The following FGF13 variants were observed in gnomAD, a reference collection of about 807,000 sequenced individuals.
FGF13 encodes fibroblast growth factor homologous factor 2.
A neutral mutation model predicts 19.5 loss-of-function variants in FGF13; 2 were observed. The ratio of observed to expected loss-of-function variants is 0.10; its 90% CI spans 0.04 to 0.32. The LOEUF (loss-of-function observed/expected upper bound fraction) is 0.32, where lower values mean the gene tolerates loss of function less well. Among genes scored for constraint, FGF13 ranks in the 10% least tolerant of loss-of-function variants. The pLI, the probability that FGF13 is intolerant of heterozygous loss-of-function variation, is 1.00. For missense variants in FGF13, 113 were observed against 192.7 expected (o/e 0.59, Z 2.45); for synonymous variants, 72 against 76.9 (o/e 0.94, Z 0.33).
rs1336620959 is a variant in FGF13 at position 138,711,181 on chromosome X, C to A, written c.-178G>T. On this transcript the variant is annotated 5_prime_UTR_variant, in exon 1 of 5. Coordinates refer to ENST00000315930, the MANE Select transcript of FGF13 (RefSeq NM_004114.5). ...CAGCCAAGGAGGGGGCTCAGCATGC[C>A]GTCCGAGCTCCTCCGGCGGCGGTCC... 1 of 1,060,892 alleles carries A rather than the reference C, an allele frequency of 9.4e-7. No homozygotes were observed. The highest frequency in any genetic ancestry group is 1.2e-6 in the Non-Finnish European group (1 of 827,720). 87.4% of individuals were successfully genotyped at this position (1,060,892 alleles called of 1,213,427 possible). A position where few individuals can be genotyped will look rare whatever the true frequency, so the allele number is the denominator to read the frequency against.
At position 138,981,318 on chromosome X, in the gene FGF13, T is replaced by TACACACACACACAC. The variant is rs57954256; in HGVS notation, c.-112-116682_-112-116669dup. Among the ~76,000 whole-genome samples, 95 of 97,008 alleles carry TACACACACACACAC rather than the reference T, an allele frequency of 9.8e-4. 1 individual carries two copies. The highest frequency in any genetic ancestry group is 3.4e-3 in the African/African-American group (89 of 25,840). 84.2% of individuals were successfully genotyped at this position (97,008 alleles called of 115,157 possible). ...CACAGCTGGAACAAAATTGTGTGCT[T>TACACACACACACAC]ACACACACACACACACACACACACA... On this transcript the variant is annotated intron_variant, in intron 1 of 2. Transcript: ENST00000421460.
chrX:139,032,681 C>T (rs2092232182), intron 1 of FGF13, among the ~76,000 whole-genome samples: 1 of 110,566 alleles, frequency 9.0e-6, no homozygotes, highest in Non-Finnish European at 1.9e-5. Flanking sequence ...CACTGAGTGG[C>T]CTAAGGAGTT....
intron 1 of FGF13, among the ~76,000 whole-genome samples, chrX:139,169,506 G>C (rs962553931): frequency 9.1e-6 from 1 of 109,757 alleles, no homozygotes; most frequent in Non-Finnish European, 1.9e-5. Flanking sequence ...ATCTTGCTCT[G>C]TTGCCCAAGC....
chrX:138,640,389 G>A (rs189605356), intron 3 of FGF13, among the ~76,000 whole-genome samples: 107 of 112,089 alleles, frequency 9.5e-4, no homozygotes, highest in Non-Finnish European at 1.7e-3. Context: ...GCCAGAAAAC[G>A]TTTTTTCCCC....
At chrX:138,887,263 G>A (rs933531387) in intron 1 of FGF13, among the ~76,000 whole-genome samples, 1 of 111,880 alleles carries the variant, frequency 8.9e-6, no homozygotes, top group African/African-American at 3.3e-5. Flanking sequence ...CTAGCTCACA[G>A]CAAACTCCAG....
At position 138,631,285 on chromosome X, in the gene FGF13, G is replaced by T. The variant is rs1030599037; in HGVS notation, c.*1565C>A. 3 of 112,290 alleles carry T rather than the reference G, an allele frequency of 2.7e-5. No individual in the cohort carries two copies. The highest frequency in any genetic ancestry group is 5.6e-5 in the Non-Finnish European group (3 of 53,311). The allele number at this position is 112,290 out of a possible 1,213,427, so 9.3% of individuals were successfully genotyped here. On this transcript the variant is annotated 3_prime_UTR_variant, in exon 5 of 5. Coordinates refer to ENST00000315930, the MANE Select transcript of FGF13 (RefSeq NM_004114.5). Reference sequence around the variant, plus strand: ...CTAGAGAGGAGAGAAATAAGCAACAGAGAGGGGAAATGACACTGTGAGTGG... The same window carrying T: ...CTAGAGAGGAGAGAAATAAGCAACATAGAGGGGAAATGACACTGTGAGTGG...
At chrX:138,952,784 T>G (rs1183768344) in intron 1 of FGF13, among the ~76,000 whole-genome samples, 1 of 111,071 alleles carries the variant, frequency 9.0e-6, no homozygotes, top group Non-Finnish European at 1.9e-5. Flanking sequence ...AACAGACACT[T>G]CTCAAAAGAA....
At chrX:138,721,288 A>G (rs1317049956) in intron 1 of FGF13, among the ~76,000 whole-genome samples, 1 of 111,921 alleles carries the variant, frequency 8.9e-6, no homozygotes, top group Non-Finnish European at 1.9e-5. Context: ...AAGACTGTCC[A>G]AGCCAGGTAA....
rs4829947 is a variant in FGF13, at chrX:138,904,918, G to A, written c.-112-40268C>T. Among the ~76,000 whole-genome samples the A allele has an allele frequency of 3.9e-3, 434 of 112,112 alleles. 2 individuals carry two copies. The highest frequency in any genetic ancestry group is 6.1e-3 in the Non-Finnish European group (326 of 53,194). ...AATGTGACAGGAATCTAAGTGTCAG[G>A]ACTCTTTCTATTAGAGATTTAGTCG... On this transcript the variant is annotated intron_variant, in intron 1 of 2. Transcript: ENST00000421460.
chrX:138,964,208 G>A (rs749695983), intron 1 of FGF13, among the ~76,000 whole-genome samples: 2 of 111,535 alleles, frequency 1.8e-5, no homozygotes, highest in East Asian at 5.7e-4. Flanking sequence ...ACAGAAACAG[G>A]TTGAGGGAGA....
chrX:138,994,222 G>T (rs185227229), intron 1 of FGF13, among the ~76,000 whole-genome samples: 1 of 111,333 alleles, frequency 9.0e-6, no homozygotes, highest in African/African-American at 3.3e-5. Context: ...CTCCCTTCCT[G>T]GTTGCAGATA....
intron 1 of FGF13, among the ~76,000 whole-genome samples, chrX:138,969,136 G>C (rs1377204413): frequency 3.6e-5 from 4 of 111,981 alleles, no homozygotes; most frequent in South Asian, 7.5e-4. Context: ...AGACAATGGA[G>C]AGTGACTGAA....
At position 138,708,806 on chromosome X, in the gene FGF13, G is replaced by A. The variant is rs1255271297; in HGVS notation, c.298+12C>T. ...CATGCTGGCATATACTATTTATTTT[G>A]CAGTCACTTACTGTAAGTGCTGTCC... On this transcript the variant is annotated intron_variant, in intron 2 of 4. Transcript: ENST00000315930. The A allele has an allele frequency of 1.8e-6, 2 of 1,087,203 alleles. No individual in the cohort carries two copies. The highest frequency in any genetic ancestry group is 2.5e-6 in the Non-Finnish European group (2 of 787,198). The allele number at this position is 1,087,203 out of a possible 1,213,427, so 89.6% of individuals were successfully genotyped here. A position where few individuals can be genotyped will look rare whatever the true frequency, so the allele number is the denominator to read the frequency against.
chrX:139,154,216 G>A (rs1890854754), intron 1 of FGF13, among the ~76,000 whole-genome samples: 1 of 111,726 alleles, frequency 9.0e-6, no homozygotes, highest in African/African-American at 3.3e-5. Flanking sequence ...CTATTAGCAA[G>A]ATGAGGTTCT....
intron 1 of FGF13, among the ~76,000 whole-genome samples, chrX:138,954,632 T>C (rs2091831946): frequency 8.9e-6 from 1 of 111,744 alleles, no homozygotes; most frequent in Non-Finnish European, 1.9e-5. Context: ...ATTACATATA[T>C]TGCTAAACTT....
chrX:138,877,137 G>A (rs2091394417), intron 1 of FGF13, among the ~76,000 whole-genome samples: 3 of 110,549 alleles, frequency 2.7e-5, no homozygotes, highest in Admixed American at 1.9e-4. Flanking sequence ...GGTGAGGGAC[G>A]GGAACTTAGA....
At chrX:139,124,306 G>A (rs2083699332) in intron 1 of FGF13, among the ~76,000 whole-genome samples, 1 of 112,503 alleles carries the variant, frequency 8.9e-6, no homozygotes, top group African/African-American at 3.2e-5. Context: ...ATAATAGGAG[G>A]CAAGTAAGAC....
chrX:139,064,402 A>G (rs1398093637), intron 1 of FGF13, among the ~76,000 whole-genome samples: 1 of 85,336 alleles, frequency 1.2e-5, no homozygotes, highest in Non-Finnish European at 2.1e-5. Flanking sequence ...TCCCGGGTTC[A>G]CGCCATTCTC....
At chrX:138,939,077 T>G (rs1441103152) in intron 1 of FGF13, among the ~76,000 whole-genome samples, 1 of 112,221 alleles carries the variant, frequency 8.9e-6, no homozygotes, top group Non-Finnish European at 1.9e-5. Flanking sequence ...TTTAAAGTAC[T>G]TGGAGAATAG....
Sources: gnomAD v4.1 joint callset for allele counts (sites outside exome capture counted in the v4.1 genomes callset) on GRCh38, gnomAD v4.1.1 for gene constraint, MANE v1.5 for transcripts, NCBI Gene and HGNC (gene_info 2026-07-23, HGNC 2026-07-21) for gene names.